The following ABI3BP variants were observed in gnomAD, a reference collection of about 807,000 sequenced individuals.
The protein encoded by ABI3BP is target of Nesh-SH3.
In ABI3BP, 216 loss-of-function variants were observed where a neutral mutation model predicts 268.6. The observed-to-expected ratio is 0.80, with a 90% CI of 0.72 to 0.90. The LOEUF (loss-of-function observed/expected upper bound fraction) is 0.90, where lower values mean the gene tolerates loss of function less well. Ranked by LOEUF, ABI3BP falls within the 40% of genes least tolerant of loss-of-function variation. The probability of loss-of-function intolerance (pLI) is 0.00; values close to 1 mark genes in which losing one functional copy is unlikely to be tolerated. For synonymous variants in ABI3BP, 730 were observed against 730.0 expected (o/e 1.00, Z 0.00); for missense variants, 2,090 against 2,182.4 (o/e 0.96, Z 0.84).
intron 40 of ABI3BP, among the ~76,000 whole-genome samples, chr3:100,819,566 GA>G (rs1307052366): frequency 6.6e-6 from 1 of 152,128 alleles, no homozygotes; most frequent in Non-Finnish European, 1.5e-5. Context: ...TGGGAAGATA[GA>G]AGGCACTTAA....
intron 15 of ABI3BP, 96 bp downstream of exon 15, chr3:100,851,779 G>T: frequency 9.7e-7 from 1 of 1,031,274 alleles, no homozygotes. Context: ...CAGAGCTCCA[G>T]AGGATACAAT....
chr3:100,866,953 T>C lies in ABI3BP; in HGVS notation c.914A>G (p.Lys305Arg). ...GGCAGGTAATGCCAAGGTTTCATTC[T>C]TAGCTAAAAAGTCAGAGAACAAACA... is the stretch of plus-strand genomic sequence containing the variant. ...ISDALKTQLA[K>R]NETLALPAES... The change falls in exon 10 of 68, where the codon AAG becomes AGG. Residue 305 changes from lysine to arginine, a missense_variant. Coordinates refer to ENST00000471714, the MANE Select transcript of ABI3BP (RefSeq NM_001375547.2). The C allele has an allele frequency of 1.2e-6, 2 of 1,613,674 alleles. No individual in the cohort carries two copies. The highest frequency in any genetic ancestry group is 1.7e-6 in the Non-Finnish European group (2 of 1,179,686).
intron 15 of ABI3BP, 33 bp downstream of exon 15, chr3:100,851,842 G>A: frequency 3.9e-6 from 6 of 1,538,080 alleles, no homozygotes; most frequent in South Asian, 1.2e-5. Flanking sequence ...GAACACCTGG[G>A]ATCCAAAGAC....
chr3:100,993,296 G>A lies in ABI3BP; in HGVS notation c.79+10C>T. 5 of 1,527,850 alleles carry A rather than the reference G, an allele frequency of 3.3e-6. No individual in the cohort carries two copies. Among genetic ancestry groups the A allele is most frequent in the Non-Finnish European group, 3.6e-6 (4 of 1,126,210 alleles). 94.6% of individuals were successfully genotyped at this position (1,527,850 alleles called of 1,614,324 possible). On this transcript the variant is annotated intron_variant, in intron 1 of 67. Transcript: ENST00000471714. ...ATTATTTTTAAAACATAAAACATCAGGCTACTTGCCTTTTGGCAATTTCTG... is the reference window on the plus strand; with the variant it reads ...ATTATTTTTAAAACATAAAACATCAAGCTACTTGCCTTTTGGCAATTTCTG...
At chr3:100,796,055 A>T (rs139596350) in intron 52 of ABI3BP, among the ~76,000 whole-genome samples, 102 of 152,228 alleles carry the variant, frequency 6.7e-4, no homozygotes, top group African/African-American at 2.3e-3. Context: ...ATTCACTGTC[A>T]CTTTGGGGAA....
At chr3:100,799,236 T>C (rs910413330) in intron 51 of ABI3BP, among the ~76,000 whole-genome samples, 3 of 152,302 alleles carry the variant, frequency 2.0e-5, no homozygotes, top group Middle Eastern at 3.4e-3. Context: ...TTTAGATGTA[T>C]TTTCTTCATC....
intron 34 of ABI3BP, 119 bp downstream of exon 34, chr3:100,828,274 T>A (rs2098424184): frequency 1.2e-6 from 1 of 844,830 alleles, no homozygotes; most frequent in Non-Finnish European, 1.8e-6. Context: ...AGAGGCAACT[T>A]GTTTTATGCA....
chr3:100,913,602 G>C (rs536968745), intron 2 of ABI3BP, among the ~76,000 whole-genome samples: 1 of 152,280 alleles, frequency 6.6e-6, no homozygotes, highest in South Asian at 2.1e-4. Context: ...AAGTAGAATA[G>C]AGTAGCATAA....
At chr3:100,807,474 G>A (rs1435929715) in intron 50 of ABI3BP, among the ~76,000 whole-genome samples, 5 of 151,776 alleles carry the variant, frequency 3.3e-5, no homozygotes, top group African/African-American at 9.7e-5. Context: ...TGCTAAATAA[G>A]GCAGATTTAA....
rs1404536982 is a variant in ABI3BP, at chr3:100,830,628, G to A, written c.2408C>T (p.Ala803Val). 1 of 1,529,446 alleles carries A rather than the reference G, an allele frequency of 6.5e-7. No individual in the cohort carries two copies. Among genetic ancestry groups the A allele is most frequent in the African/African-American group, 1.4e-5 (1 of 72,928 alleles). 94.7% of individuals were successfully genotyped at this position (1,529,446 alleles called of 1,614,324 possible). A position where few individuals can be genotyped will look rare whatever the true frequency, so the allele number is the denominator to read the frequency against. The change falls in exon 32 of 68, where the codon GCC becomes GTC. Residue 803 changes from alanine to valine, a missense_variant. Physicochemically the swap from Ala to Val is moderately conservative, Grantham distance 64. Coordinates refer to ENST00000471714, the MANE Select transcript of ABI3BP (RefSeq NM_001375547.2). ...TCTAAGAACTGGTTCGAGGATTGTG[G>A]CAGGAACTGATCAAAAGTAATAAAA... Reference protein sequence around the residue: ...PEVPQTKLVPATILEPVLRTE... With the variant: ...PEVPQTKLVPVTILEPVLRTE...
intron 62 of ABI3BP, among the ~76,000 whole-genome samples, chr3:100,769,088 T>A (rs536273804): frequency 4.6e-5 from 7 of 152,336 alleles, no homozygotes; most frequent in Non-Finnish European, 7.4e-5. Flanking sequence ...CTCTATATTA[T>A]CTGAGCTGCT....
intron 1 of ABI3BP, among the ~76,000 whole-genome samples, chr3:100,965,298 C>A (rs1025349013): frequency 6.6e-6 from 1 of 152,040 alleles, no homozygotes; most frequent in Non-Finnish European, 1.5e-5. Flanking sequence ...ATTTAGAAAC[C>A]TTATGGATAT....
intron 1 of ABI3BP, among the ~76,000 whole-genome samples, chr3:100,981,872 G>A (rs66827303): frequency 0.052 from 7,880 of 152,238 alleles, 431 homozygotes; most frequent in East Asian, 0.31. Context: ...CTCAGCACCA[G>A]TGTCCAGGCT....
chr3:100,952,738 A>G (rs2075531806), intron 1 of ABI3BP: 1 of 152,192 alleles, frequency 6.6e-6, no homozygotes, highest in Non-Finnish European at 1.5e-5. Flanking sequence ...ATTTTCATAA[A>G]CAAAAAAATA....
chr3:100,754,498 T>G, intron 64 of ABI3BP, 114 bp downstream of exon 64: 1 of 1,072,824 alleles, frequency 9.3e-7, no homozygotes, highest in Non-Finnish European at 1.4e-6. Context: ...AATGGGTTTT[T>G]AGAAATTCAA....
intron 63 of ABI3BP, among the ~76,000 whole-genome samples, chr3:100,763,186 C>T (rs963876026): frequency 2.6e-5 from 4 of 152,030 alleles, no homozygotes; most frequent in East Asian, 1.9e-4. Context: ...GGGGGCTGGG[C>T]GTGGTGGCTC....
At chr3:100,811,107 T>A in intron 48 of ABI3BP, 123 bp downstream of exon 48, 1 of 757,288 alleles carries the variant, frequency 1.3e-6, no homozygotes, top group Non-Finnish European at 2.0e-6. Flanking sequence ...GAAAGAAAAG[T>A]AACTGCCATG....
chr3:100,991,482 C>G (rs1341625094), intron 1 of ABI3BP, among the ~76,000 whole-genome samples: 1 of 152,018 alleles, frequency 6.6e-6, no homozygotes, highest in African/African-American at 2.4e-5. Flanking sequence ...GTGATTCCCC[C>G]CTTAAAGACT....
chr3:100,925,864 A>G (rs1412044104), intron 2 of ABI3BP, among the ~76,000 whole-genome samples: 1 of 206 alleles, frequency 4.9e-3, no homozygotes, highest in East Asian at 0.071. Context: ...AAAAACTTTA[A>G]TCTTTTTTCT....
Sources: gnomAD v4.1 joint callset for allele counts (sites outside exome capture counted in the v4.1 genomes callset) on GRCh38, gnomAD v4.1.1 for gene constraint, MANE v1.5 for transcripts, NCBI Gene and HGNC (gene_info 2026-07-23, HGNC 2026-07-21) for gene names.